Variants in ADIPOQ observed in about 807,000 individuals in gnomAD.
The protein encoded by ADIPOQ is adiponectin, C1Q and collagen domain containing, also known as adiponectin.
A neutral mutation model predicts 16.1 loss-of-function variants in ADIPOQ; 19 were observed. The ratio of observed to expected loss-of-function variants is 1.18; its 90% confidence interval spans 0.82 to 1.73. The LOEUF (loss-of-function observed/expected upper bound fraction) is 1.73, where lower values mean the gene tolerates loss of function less well. Among genes scored for constraint, ADIPOQ ranks in the 40% most tolerant of loss-of-function variants. The probability of loss-of-function intolerance (pLI) is 0.00; values close to 1 mark genes in which losing one functional copy is unlikely to be tolerated. For synonymous variants in ADIPOQ, 124 were observed against 125.5 expected (o/e 0.99, Z 0.08); for missense variants, 323 against 308.3 (o/e 1.05, Z -0.36).
intron 2 of ADIPOQ, among the ~76,000 whole-genome samples, chr3:186,853,598 C>T (rs952343738): frequency 1.3e-5 from 2 of 152,170 alleles, no homozygotes; most frequent in Non-Finnish European, 2.9e-5. Flanking sequence ...TGGCATTCAA[C>T]CACATTTACT....
intron 1 of ADIPOQ, among the ~76,000 whole-genome samples, chr3:186,846,398 A>AT (rs895900427): frequency 6.6e-5 from 10 of 151,818 alleles, no homozygotes; most frequent in African/African-American, 1.7e-4. Context: ...CCCCCAGCTA[A>AT]TTTTTTTGTA....
intron 1 of ADIPOQ, among the ~76,000 whole-genome samples, chr3:186,843,689 A>G (rs921610898): frequency 2.0e-5 from 3 of 151,902 alleles, no homozygotes; most frequent in Non-Finnish European, 1.5e-5. Context: ...AAGAAAAGAA[A>G]AAGAGGCTCT....
chr3:186,850,380 GGGT>G (rs1463361463), intron 1 of ADIPOQ, among the ~76,000 whole-genome samples: 7 of 151,918 alleles, frequency 4.6e-5, no homozygotes, highest in Non-Finnish European at 8.8e-5. Context: ...AAGCTGATGA[GGGT>G]AGTTAAGGTA....
intron 1 of ADIPOQ, among the ~76,000 whole-genome samples, chr3:186,843,527 G>A (rs150745545): frequency 8.0e-4 from 122 of 152,178 alleles, no homozygotes; most frequent in Non-Finnish European, 1.6e-3. Flanking sequence ...GGGCGTGATG[G>A]CAGGTGCCTG....
intron 1 of ADIPOQ, among the ~76,000 whole-genome samples, chr3:186,848,218 G>A (rs1448958202): frequency 1.5e-5 from 2 of 134,364 alleles, no homozygotes; most frequent in Non-Finnish European, 3.2e-5. Flanking sequence ...AGGAAGGAAG[G>A]AAGGAAGGAA....
At chr3:186,848,396 T>C (rs1334049971) in intron 1 of ADIPOQ, among the ~76,000 whole-genome samples, 1 of 152,000 alleles carries the variant, frequency 6.6e-6, no homozygotes, top group Non-Finnish European at 1.5e-5. Context: ...TCGTTTTATA[T>C]ATATGACCCC....
At chr3:186,843,178 G>A (rs1711502191) in intron 1 of ADIPOQ, among the ~76,000 whole-genome samples, 1 of 152,176 alleles carries the variant, frequency 6.6e-6, no homozygotes, top group Non-Finnish European at 1.5e-5. Context: ...GTCAAGCTGA[G>A]CACTGACTTC....
At chr3:186,849,117 G>C (rs900330818) in intron 1 of ADIPOQ, among the ~76,000 whole-genome samples, 1 of 152,188 alleles carries the variant, frequency 6.6e-6, no homozygotes, top group Non-Finnish European at 1.5e-5. Context: ...GAAAACTCCA[G>C]AGACCCCTGA....
rs201377589 is a variant in ADIPOQ, at chr3:186,856,348, ACTAT to A, written c.*1647_*1650del. On this transcript the variant is annotated 3_prime_UTR_variant, in exon 3 of 3. Coordinates refer to ENST00000320741, the MANE Select transcript of ADIPOQ (RefSeq NM_004797.4). ...CTCTATCAATATATAAATTTAAAAA[ACTAT>A]CTTTTTGCTTACAGTTTTAAATTCT... The A allele has an allele frequency of 1.2e-3, 176 of 152,348 alleles. 2 individuals carry two copies. The highest frequency in any genetic ancestry group is 3.8e-3 in the African/African-American group (157 of 41,574). 9.4% of individuals were successfully genotyped at this position (152,348 alleles called of 1,614,324 possible).
chr3:186,852,765 T>C (rs898870061), intron 1 of ADIPOQ: 1 of 399,590 alleles, frequency 2.5e-6, no homozygotes, highest in Non-Finnish European at 4.6e-6. Context: ...TGCTCAGACA[T>C]GGGAAAATTA....
chr3:186,849,979 G>C (rs1560107917), intron 1 of ADIPOQ, among the ~76,000 whole-genome samples: 1 of 152,122 alleles, frequency 6.6e-6, no homozygotes, highest in Non-Finnish European at 1.5e-5. Context: ...TTAACACTTA[G>C]AGGCAAGGAC....
chr3:186,852,633 A>C, intron 1 of ADIPOQ: 1 of 194,464 alleles, frequency 5.1e-6, no homozygotes. Context: ...AAAAGAAGAA[A>C]GGAGCCAGAG....
intron 1 of ADIPOQ, among the ~76,000 whole-genome samples, chr3:186,843,660 C>CAA (rs35615373): frequency 0.014 from 1,826 of 126,556 alleles, 43 homozygotes; most frequent in Admixed American, 0.051. Context: ...GACTTTGTGT[C>CAA]AAAAAAAAAA....
chr3:186,858,254 G>A lies in ADIPOQ; in HGVS notation c.*3550G>A, dbSNP rs187638504. 145 of 152,276 alleles carry A rather than the reference G, an allele frequency of 9.5e-4. No individual in the cohort carries two copies. Among genetic ancestry groups the A allele is most frequent in the African/African-American group, 3.2e-3 (135 of 41,554 alleles). The allele number at this position is 152,276 out of a possible 1,614,324, so 9.4% of individuals were successfully genotyped here. On this transcript the variant is annotated 3_prime_UTR_variant, in exon 3 of 3. Coordinates refer to ENST00000320741, the MANE Select transcript of ADIPOQ (RefSeq NM_004797.4). ...CAAAGTGCTGGGATTACAGGCATGA[G>A]CCATCACACCTGGTCAACTTTCTTT...
chr3:186,851,585 T>A (rs1446325898), intron 1 of ADIPOQ, among the ~76,000 whole-genome samples: 1 of 152,142 alleles, frequency 6.6e-6, no homozygotes, highest in Non-Finnish European at 1.5e-5. Flanking sequence ...ATATTTCAAA[T>A]ACATTCCCCC....
In ADIPOQ at chr3:186,858,010, C is replaced by T. The variant is rs752731782; in HGVS notation, c.*3306C>T. 5 of 151,026 alleles carry T rather than the reference C, an allele frequency of 3.3e-5. No homozygotes were observed. Among genetic ancestry groups the T allele is most frequent in the African/African-American group, 9.8e-5 (4 of 41,014 alleles). 9.4% of individuals were successfully genotyped at this position (151,026 alleles called of 1,614,324 possible). On this transcript the variant is annotated 3_prime_UTR_variant, in exon 3 of 3. Coordinates refer to ENST00000320741, the MANE Select transcript of ADIPOQ (RefSeq NM_004797.4). ...TCTCTCTCTTTTTTTGACAGACTCT[C>T]GTTCTGTGGCCCTGGCTGGAGTTCA...
chr3:186,850,271 C>CAAA (rs71634014), intron 1 of ADIPOQ, among the ~76,000 whole-genome samples: 18 of 88,614 alleles, frequency 2.0e-4, no homozygotes, highest in Middle Eastern at 6.3e-3. Context: ...TCCTCTCTCT[C>CAAA]AAAAAAAAAA....
rs1475710444 is a variant in ADIPOQ at position 186,857,805 on chromosome 3, T to C, written c.*3101T>C. On this transcript the variant is annotated 3_prime_UTR_variant, in exon 3 of 3. Transcript: ENST00000320741. ...TCTTATTGGTGCATTTACTCTCTTATCATTATGTAATGTCCTTCTTTATCT... is the reference window on the plus strand; with the variant it reads ...TCTTATTGGTGCATTTACTCTCTTACCATTATGTAATGTCCTTCTTTATCT... 1.3e-5 allele frequency: 2 copies of C among 152,236 alleles called. No homozygotes were observed. Among genetic ancestry groups the C allele is most frequent in the African/African-American group, 4.8e-5 (2 of 41,466 alleles). 9.4% of individuals were successfully genotyped at this position (152,236 alleles called of 1,614,324 possible).
intron 1 of ADIPOQ, chr3:186,852,036 A>AAG (rs1037509952): frequency 2.0e-5 from 3 of 153,326 alleles, no homozygotes; most frequent in Admixed American, 6.6e-5. Context: ...GAGAGAGAGA[A>AAG]AGAGAGAGAG....
Sources: allele counts gnomAD v4.1 joint callset (sites outside exome capture counted in the v4.1 genomes callset), GRCh38; gene constraint gnomAD v4.1.1; transcripts MANE v1.5; gene names NCBI Gene and HGNC (gene_info 2026-07-23, HGNC 2026-07-21).